Variants in BLACAT1 observed in about 807,000 individuals in gnomAD.
BLACAT1 encodes the protein BLACAT1 overlapping LEMD1 locus, also known as bladder cancer associated transcript 1.
intron 1 of BLACAT1, among the ~76,000 whole-genome samples, chr1:205,452,382 C>T (rs1431806686): frequency 1.3e-5 from 2 of 152,160 alleles, no homozygotes; most frequent in Non-Finnish European, 2.9e-5. Context: ...TACCCCTCCG[C>T]AGCAGAGAAA....
At chr1:205,454,991 G>C (rs1468600974) in intron 1 of BLACAT1, among the ~76,000 whole-genome samples, 1 of 152,230 alleles carries the variant, frequency 6.6e-6, no homozygotes, top group Non-Finnish European at 1.5e-5. Flanking sequence ...GGTCGGAAGG[G>C]AGGGCTCTCC....
In BLACAT1 at chr1:205,448,822, C is replaced by T; in HGVS notation, c.-37+7095G>A. ...TAGGCTCCCTCTTTACAAAGCTTAA[C>T]TCTTTCTAGTCCAGCCACTGGAAGC... On this transcript the variant is annotated intron_variant, in intron 1 of 1. Coordinates refer to ENST00000629624, the Ensembl canonical transcript of BLACAT1. This position sits in a 1 kb window ranked among gnomAD's most constrained non-coding sequence, Gnocchi z 4.7. Among the ~76,000 whole-genome samples, 1 of 152,178 alleles carries T rather than the reference C, an allele frequency of 6.6e-6. No individual in the cohort carries two copies. The highest frequency in any genetic ancestry group is 1.5e-5 in the Non-Finnish European group (1 of 68,030).
At chr1:205,451,304 C>A (rs1159369840) in intron 1 of BLACAT1, among the ~76,000 whole-genome samples, 3 of 152,198 alleles carry the variant, frequency 2.0e-5, no homozygotes, top group Non-Finnish European at 4.4e-5. Flanking sequence ...CCCACACCTA[C>A]CACCAGTGGC....
At chr1:205,442,684 A>G (rs1268198200) in intron 1 of BLACAT1, among the ~76,000 whole-genome samples, 1 of 152,170 alleles carries the variant, frequency 6.6e-6, no homozygotes, top group Non-Finnish European at 1.5e-5. Flanking sequence ...TGGTTATTTA[A>G]TAACCCGATT....
At chr1:205,437,168 A>G (rs575654576), downstream of BLACAT1, 44 of 152,472 alleles carry the variant, frequency 2.9e-4, no homozygotes, top group African/African-American at 9.6e-4. Context: ...AAGGCAAGGA[A>G]TGAGGTGGGG....
intron 1 of BLACAT1, among the ~76,000 whole-genome samples, chr1:205,446,167 AT>A (rs1179901898): frequency 6.6e-6 from 1 of 152,240 alleles, no homozygotes; most frequent in African/African-American, 2.4e-5. Flanking sequence ...ATTCAATGCA[AT>A]TGAACAATCA....
In BLACAT1 at chr1:205,448,263, C is replaced by T. The variant is rs1239440885; in HGVS notation, c.-36-7201G>A. 5.9e-6 allele frequency: 3 copies of T among 510,594 alleles called. No homozygotes were observed. Among genetic ancestry groups the T allele is most frequent in the South Asian group, 2.8e-5 (2 of 70,544 alleles). The allele number at this position is 510,594 out of a possible 1,614,324, so 31.6% of individuals were successfully genotyped here. A position where few individuals can be genotyped will look rare whatever the true frequency, so the allele number is the denominator to read the frequency against. On this transcript the variant is annotated intron_variant, in intron 1 of 1. Coordinates refer to ENST00000629624, the Ensembl canonical transcript of BLACAT1. This position sits in a 1 kb window ranked among gnomAD's most constrained non-coding sequence, Gnocchi z 4.7. Reference sequence around the variant, plus strand: ...TCTGGTGCCCCTTGGTGGCTGGCTCCGAACCTGGTCCCATGGGAGGTGCAG... The same window carrying T: ...TCTGGTGCCCCTTGGTGGCTGGCTCTGAACCTGGTCCCATGGGAGGTGCAG...
chr1:205,439,783 C>G (rs6682598), downstream of BLACAT1, among the ~76,000 whole-genome samples: 1 of 152,036 alleles, frequency 6.6e-6, no homozygotes, highest in African/African-American at 2.4e-5. Context: ...TCGTCTCTGC[C>G]TGTCTTCTAG....
At chr1:205,438,784 A>C (rs183205760), downstream of BLACAT1, among the ~76,000 whole-genome samples, 1 of 152,012 alleles carries the variant, frequency 6.6e-6, no homozygotes, top group Non-Finnish European at 1.5e-5. Context: ...GCCAGGGCTC[A>C]AGATATCTAG....
intron 1 of BLACAT1, among the ~76,000 whole-genome samples, chr1:205,453,199 C>A (rs776782240): frequency 1.3e-5 from 2 of 152,162 alleles, no homozygotes; most frequent in Non-Finnish European, 2.9e-5. Flanking sequence ...TGGGTGCAGT[C>A]CCTGGCCCAG....
intron 1 of BLACAT1, among the ~76,000 whole-genome samples, chr1:205,447,317 A>G (rs1666409141): frequency 6.6e-6 from 1 of 152,228 alleles, no homozygotes; most frequent in Admixed American, 6.5e-5. Flanking sequence ...TGAGGCGGTT[A>G]GAATCATGGG....
chr1:205,435,773 G>A (rs2102458154), downstream of BLACAT1: 1 of 152,304 alleles, frequency 6.6e-6, no homozygotes, highest in Admixed American at 6.5e-5. Context: ...GGGAGACCAT[G>A]CAGAGTTTTG....
chr1:205,453,299 G>A (rs765448744), intron 1 of BLACAT1, among the ~76,000 whole-genome samples: 12 of 152,164 alleles, frequency 7.9e-5, no homozygotes, highest in Non-Finnish European at 1.3e-4. Flanking sequence ...GACCAGCAGT[G>A]TGCTTGCTAC....
intron 1 of BLACAT1, among the ~76,000 whole-genome samples, chr1:205,446,130 G>C (rs1666384140): frequency 6.6e-6 from 1 of 152,218 alleles, no homozygotes; most frequent in African/African-American, 2.4e-5. Context: ...ATCCTCCAGG[G>C]AGAAGGGACA....
chr1:205,440,307 G>C (rs568639160), exon 2 of BLACAT1, among the ~76,000 whole-genome samples: 1 of 152,180 alleles, frequency 6.6e-6, no homozygotes, highest in African/African-American at 2.4e-5. Context: ...AGAACAGAGG[G>C]AGCCACGGAG....
chr1:205,439,454 G>A (rs1451550847), downstream of BLACAT1, among the ~76,000 whole-genome samples: 1 of 152,264 alleles, frequency 6.6e-6, no homozygotes, highest in Non-Finnish European at 1.5e-5. Flanking sequence ...GCCCCTGAGT[G>A]TGGGCATGAG....
intron 1 of BLACAT1, among the ~76,000 whole-genome samples, chr1:205,451,969 CAA>C (rs2102480626): frequency 6.6e-6 from 1 of 151,852 alleles, no homozygotes; most frequent in East Asian, 1.9e-4. Context: ...AGAATGCTGA[CAA>C]AGAGAAACTG....
At position 205,450,619 on chromosome 1, in the gene BLACAT1, C is replaced by T. The variant is rs562504211; in HGVS notation, c.-37+5298G>A. ...CTCCACCCACCCTCACCCAGTCCTGCGCTCGGATTCCCAGCCATAGCCTGC... is the reference window on the plus strand; with the variant it reads ...CTCCACCCACCCTCACCCAGTCCTGTGCTCGGATTCCCAGCCATAGCCTGC... On this transcript the variant is annotated intron_variant, in intron 1 of 1. Coordinates refer to ENST00000629624, the Ensembl canonical transcript of BLACAT1. This position sits in a 1 kb window ranked among gnomAD's most constrained non-coding sequence, Gnocchi z 4.4. 4.6e-5 allele frequency among the ~76,000 whole-genome samples: 7 copies of T among 152,222 alleles called. No homozygotes were observed. Among genetic ancestry groups the T allele is most frequent in the South Asian group, 4.1e-4 (2 of 4,820 alleles).
At chr1:205,440,157 C>T (rs1666269386) in exon 2 of BLACAT1, among the ~76,000 whole-genome samples, 1 of 152,196 alleles carries the variant, frequency 6.6e-6, no homozygotes, top group Admixed American at 6.5e-5. Flanking sequence ...CTGGCCACGG[C>T]AAGACAGTCC....
Sources: allele counts gnomAD v4.1 joint callset (sites outside exome capture counted in the v4.1 genomes callset), GRCh38; gene constraint gnomAD v4.1.1; non-coding constraint Gnocchi (gnomAD v3.1); transcripts MANE v1.5; gene names NCBI Gene and HGNC (gene_info 2026-07-23, HGNC 2026-07-21).